SLC19A1: variants seen among roughly 807,000 people sequenced by gnomAD.
SLC19A1 encodes the protein solute carrier family 19 member 1.
In SLC19A1, 37 loss-of-function variants were observed where a neutral mutation model predicts 35.3. That is an observed-to-expected ratio of 1.05 (90% CI 0.81 to 1.38). The LOEUF is 1.38. SLC19A1 is among the 40% of genes most tolerant of loss of function. The probability of loss-of-function intolerance (pLI) is 0.00; values close to 1 mark genes in which losing one functional copy is unlikely to be tolerated. For synonymous variants in SLC19A1, 460 were observed against 398.5 expected (o/e 1.15, Z -1.84); for missense variants, 831 against 826.9 (o/e 1.00, Z -0.06).
chr21:45,558,806 CTTTTTTCT>C (rs774738855), intron 1 of SLC19A1, among the ~76,000 whole-genome samples: 16 of 139,100 alleles, frequency 1.2e-4, no homozygotes, highest in East Asian at 2.1e-4. Flanking sequence ...TTTTCTTTTT[CTTTTTTCT>C]TTTTTTTTTT....
At chr21:45,503,901 G>C in intron 3 of SLC19A1, 1 of 1,121,866 alleles carries the variant, frequency 8.9e-7, no homozygotes, top group Non-Finnish European at 1.4e-6. Flanking sequence ...TCTCTACCGC[G>C]AAATGGCTAG....
chr21:45,531,597 C>T lies in SLC19A1; in HGVS notation c.741G>A (p.Gly247=). ...KLGHALRVAC[G]DSVLARMLRE... Reference sequence around the variant, plus strand: ...GCAGCATCCGCGCCAGCACTGAGTCCCCACAGGCCACCCGCAGGGCGTGTC... The same window carrying T: ...GCAGCATCCGCGCCAGCACTGAGTCTCCACAGGCCACCCGCAGGGCGTGTC... The change falls in exon 3 of 6, where the codon GGG becomes GGA. Residue 247 remains glycine (G), a synonymous_variant. Transcript: ENST00000311124. The T allele has an allele frequency of 6.2e-7, 1 of 1,612,382 alleles. No individual in the cohort carries two copies. The highest frequency in any genetic ancestry group is 2.2e-5 in the East Asian group (1 of 44,866).
chr21:45,537,759 G>T lies in SLC19A1; in HGVS notation c.189+12C>A. 1.4e-6 allele frequency: 1 copy of T among 735,408 alleles called. No homozygotes were observed. The highest frequency in any genetic ancestry group is 4.6e-5 in the Admixed American group (1 of 21,946). 45.6% of individuals were successfully genotyped at this position (735,408 alleles called of 1,614,324 possible). On this transcript the variant is annotated intron_variant, in intron 2 of 5. Transcript: ENST00000311124. ...CCACAGGCGGCCGCCCGGCACCCCG[G>T]CACCCACATGCCTGCTCCCGCGTGA...
chr21:45,560,250 C>G (rs1484830534), intron 1 of SLC19A1, among the ~76,000 whole-genome samples: 1 of 152,232 alleles, frequency 6.6e-6, no homozygotes, highest in Admixed American at 6.5e-5. Flanking sequence ...CACACAGGGC[C>G]CACACAGGGA....
At chr21:45,511,528 T>C (rs1252777754), downstream of SLC19A1, among the ~76,000 whole-genome samples, 1 of 152,132 alleles carries the variant, frequency 6.6e-6, no homozygotes, top group Non-Finnish European at 1.5e-5. Context: ...GTCAGCCATG[T>C]AAGCAGCGCA....
intron 4 of SLC19A1, among the ~76,000 whole-genome samples, chr21:45,528,252 C>G (rs887883509): frequency 6.6e-6 from 1 of 152,154 alleles, no homozygotes; most frequent in South Asian, 2.1e-4. Flanking sequence ...AGAGCCCAGG[C>G]CAGCCCCCAG....
intron 3 of SLC19A1, chr21:45,503,005 A>G (rs2036945713): frequency 6.6e-6 from 1 of 152,220 alleles, no homozygotes; most frequent in Admixed American, 6.5e-5. Flanking sequence ...AAAAGGCACC[A>G]TTGTGAATAA....
chr21:45,531,548 G>T lies in SLC19A1; in HGVS notation c.790C>A (p.Arg264=). ...AGGGACCACAGGCGCAGCTGCGGCC[G>T]CCGCAGGCTGTCCCCCAGCTCCCGC... ...MLRELGDSLR[R]PQLRLWSLWW... Residue 264 remains arginine, a synonymous_variant, in exon 3 of 6, where the codon CGG becomes AGG. Coordinates refer to ENST00000311124, the MANE Select transcript of SLC19A1 (RefSeq NM_194255.4). 1 of 1,612,378 alleles carries T rather than the reference G, an allele frequency of 6.2e-7. No individual in the cohort carries two copies. Among genetic ancestry groups the T allele is most frequent in the Non-Finnish European group, 8.5e-7 (1 of 1,179,672 alleles).
intron 5 of SLC19A1, among the ~76,000 whole-genome samples, chr21:45,523,668 A>G (rs2146270505): frequency 6.6e-6 from 1 of 152,308 alleles, no homozygotes; most frequent in East Asian, 1.9e-4. Context: ...AGGCAGTCAC[A>G]GAGGGATGGA....
rs768052962 is a variant in SLC19A1 at position 45,532,101 on chromosome 21, C to T, written c.237G>A (p.Val79=). ...TPVLSYSYLA[V]LVPVFLLTDY... The stretch of plus-strand genomic sequence containing the variant: ...CGGTGAGCAGGAACACGGGCACCAG[C>T]ACGGCCAGGTAGGAGTACGACAGCA... The change falls in exon 3 of 6, where the codon GTG becomes GTA. Residue 79 remains valine, a synonymous_variant. Coordinates refer to ENST00000311124, the MANE Select transcript of SLC19A1 (RefSeq NM_194255.4). 3.7e-6 allele frequency: 6 copies of T among 1,611,536 alleles called. No individual in the cohort carries two copies. Among genetic ancestry groups the T allele is most frequent in the Non-Finnish European group, 5.1e-6 (6 of 1,178,936 alleles).
chr21:45,505,246 G>GCCCCCCC, intron 3 of SLC19A1: 4 of 1,605,420 alleles, frequency 2.5e-6, no homozygotes, highest in African/African-American at 2.7e-5. Context: ...GGCCCCCCAG[G>GCCCCCCC]GCCCCCTTCA....
rs542412958 is a variant in SLC19A1, at chr21:45,531,246, G to A, written c.949+143C>T. ...GGGGGAAGGATCCACGGGGCAGGGG[G>A]AGGTGGCGGAGAGCCTCTGGGGGAA... On this transcript the variant is annotated intron_variant, in intron 3 of 5. Transcript: ENST00000311124. 149 of 987,648 alleles carry A rather than the reference G, an allele frequency of 1.5e-4. No individual in the cohort carries two copies. The African/African-American group carries it at 2.3e-3, about 15-fold the overall frequency. 61.2% of individuals were successfully genotyped at this position (987,648 alleles called of 1,614,324 possible).
At chr21:45,558,285 G>A (rs2078583081) in intron 1 of SLC19A1, among the ~76,000 whole-genome samples, 1 of 152,244 alleles carries the variant, frequency 6.6e-6, no homozygotes, top group African/African-American at 2.4e-5. Flanking sequence ...ACGGCTGGCT[G>A]GACCTCAGCT....
chr21:45,522,499 G>A (rs542649220), intron 5 of SLC19A1, among the ~76,000 whole-genome samples: 1 of 152,304 alleles, frequency 6.6e-6, no homozygotes, highest in African/African-American at 2.4e-5. Context: ...CTGGGCGTCT[G>A]TCCCAGGGAA....
Position 45,530,922 on chromosome 21 carries a change from G to A in SLC19A1, c.999C>T (p.Arg333=). The A allele has an allele frequency of 6.8e-7, 1 of 1,462,290 alleles. No homozygotes were observed. Among genetic ancestry groups the A allele is most frequent in the Non-Finnish European group, 9.0e-7 (1 of 1,109,088 alleles). 90.6% of individuals were successfully genotyped at this position (1,462,290 alleles called of 1,614,324 possible). ...CGCCCGCGATGAGCAGCTTGGACCAGCGCGCCCAGCGGATCTTCACGAAGC... is the reference window on the plus strand; with the variant it reads ...CGCCCGCGATGAGCAGCTTGGACCAACGCGCCCAGCGGATCTTCACGAAGC... ...AAGFVKIRWA[R]WSKLLIAGVT... is the part of the protein sequence containing the mutation. The change falls in exon 4 of 6, where the codon CGC becomes CGT. Residue 333 remains arginine (R), a synonymous_variant. Transcript: ENST00000311124. This position sits in a 1 kb window ranked among gnomAD's most constrained non-coding sequence, Gnocchi z 5.3.
intron 1 of SLC19A1, among the ~76,000 whole-genome samples, chr21:45,550,679 T>A (rs575437352): frequency 2.0e-5 from 3 of 152,224 alleles, no homozygotes; most frequent in Non-Finnish European, 2.9e-5. Flanking sequence ...TGCATGCAGA[T>A]TTCGTCGTCT....
chr21:45,515,097 G>T lies in SLC19A1; in HGVS notation c.*561C>A. On this transcript the variant is annotated 3_prime_UTR_variant, in exon 6 of 6. Coordinates refer to ENST00000311124, the MANE Select transcript of SLC19A1 (RefSeq NM_194255.4). ...CCCCTCTGATGACAATGTGTCTGCC[G>T]CCAACCTGAGATGGCTTTTCCACAG... is the stretch of plus-strand genomic sequence containing the variant. The T allele has an allele frequency of 6.5e-7, 1 of 1,544,540 alleles. No individual in the cohort carries two copies. The highest frequency in any genetic ancestry group is 8.7e-7 in the Non-Finnish European group (1 of 1,145,120).
chr21:45,528,183 G>C (rs115583784), intron 4 of SLC19A1, among the ~76,000 whole-genome samples: 1 of 151,990 alleles, frequency 6.6e-6, no homozygotes, highest in Non-Finnish European at 1.5e-5. Flanking sequence ...AAGGGCAGAC[G>C]AACAACAGGG....
chr21:45,507,853 C>A (rs1456980029), downstream of SLC19A1, among the ~76,000 whole-genome samples: 1 of 152,232 alleles, frequency 6.6e-6, no homozygotes, highest in Non-Finnish European at 1.5e-5. Flanking sequence ...GTTGTGTCTG[C>A]CGCTCATTGC....
Sources: allele counts gnomAD v4.1 joint callset (sites outside exome capture counted in the v4.1 genomes callset), GRCh38; gene constraint gnomAD v4.1.1; non-coding constraint Gnocchi (gnomAD v3.1); transcripts MANE v1.5; gene names NCBI Gene and HGNC (gene_info 2026-07-23, HGNC 2026-07-21).